Variants in CC2D2A observed in about 807,000 individuals in gnomAD.
CC2D2A encodes coiled-coil and C2 domain containing 2A.
A neutral mutation model predicts 212.9 loss-of-function variants in CC2D2A; 155 were observed. That is an observed-to-expected ratio of 0.73 (90% CI 0.64 to 0.83). The LOEUF (loss-of-function observed/expected upper bound fraction) is 0.83, where lower values mean the gene tolerates loss of function less well. Ranked by LOEUF, CC2D2A falls within the 40% of genes least tolerant of loss-of-function variation. CC2D2A has a pLI of 0.00. For missense variants in CC2D2A, 1,856 were observed against 1,956.2 expected (o/e 0.95, Z 0.97); for synonymous variants, 667 against 686.5 (o/e 0.97, Z 0.44).
intron 17 of CC2D2A, among the ~76,000 whole-genome samples, chr4:15,547,339 T>A (rs1010099666): frequency 8.5e-5 from 13 of 152,222 alleles, no homozygotes; most frequent in African/African-American, 2.9e-4. Flanking sequence ...TTCTAGCTAT[T>A]TTGAAATATA....
intron 26 of CC2D2A, 83 bp downstream of exon 26, chr4:15,567,869 T>G (rs1014763427): frequency 1.0e-6 from 1 of 978,960 alleles, no homozygotes; most frequent in Middle Eastern, 2.1e-4. Flanking sequence ...ACGGCTAAGG[T>G]GAAGGATTTT....
At chr4:15,510,929 A>C (rs561401597) in intron 7 of CC2D2A, among the ~76,000 whole-genome samples, 1 of 152,356 alleles carries the variant, frequency 6.6e-6, no homozygotes, top group Non-Finnish European at 1.5e-5. Flanking sequence ...TAAAACAATA[A>C]ATCCACTGTT....
At chr4:15,482,430 T>A in intron 4 of CC2D2A, 2 of 476,706 alleles carry the variant, frequency 4.2e-6, no homozygotes, top group Non-Finnish European at 5.5e-6. Context: ...GAGATCATGG[T>A]GCCAGCATGG....
chr4:15,510,118 C>G, intron 6 of CC2D2A, 21 bp from the exon 7 acceptor site: 1 of 1,568,722 alleles, frequency 6.4e-7, no homozygotes, highest in Non-Finnish European at 8.8e-7. Flanking sequence ...GTTTATCTAT[C>G]ATTTTTTTCC....
intron 4 of CC2D2A, chr4:15,492,932 T>C (rs917308629): frequency 3.8e-5 from 20 of 532,406 alleles, no homozygotes; most frequent in Non-Finnish European, 6.1e-5. Context: ...GAGGGGGCCC[T>C]CTGATGCCTG....
chr4:15,551,563 G>A (rs1719010370), intron 18 of CC2D2A, among the ~76,000 whole-genome samples: 1 of 151,868 alleles, frequency 6.6e-6, no homozygotes, highest in South Asian at 2.1e-4. Context: ...CTTATTATTG[G>A]AACTAATCCT....
At chr4:15,521,745 C>T (rs1194527027) in intron 11 of CC2D2A, among the ~76,000 whole-genome samples, 1 of 152,236 alleles carries the variant, frequency 6.6e-6, no homozygotes, top group Non-Finnish European at 1.5e-5. Context: ...AATTGAATGT[C>T]ATTAAAATGA....
At position 15,576,408 on chromosome 4, in the gene CC2D2A, C is replaced by A. The variant is rs185438144; in HGVS notation, c.3771+2082C>A. ...TTAGAGTCTCTCCTCTACCACCATG[C>A]CATATGGAACCATTCCATAGGATGT... On this transcript the variant is annotated intron_variant, in intron 29 of 36. Transcript: ENST00000424120. 8.4e-5 allele frequency: 82 copies of A among 978,950 alleles called. No individual in the cohort carries two copies. In the African/African-American group the frequency reaches 1.4e-3, roughly 16 times the overall value. The allele number at this position is 978,950 out of a possible 1,614,324, so 60.6% of individuals were successfully genotyped here. A position where few individuals can be genotyped will look rare whatever the true frequency, so the allele number is the denominator to read the frequency against.
At chr4:15,581,458 C>A (rs1444651720) in intron 30 of CC2D2A, among the ~76,000 whole-genome samples, 1 of 152,178 alleles carries the variant, frequency 6.6e-6, no homozygotes, top group African/African-American at 2.4e-5. Context: ...GCTCTCAGGT[C>A]ATCTGATAAT....
intron 4 of CC2D2A, among the ~76,000 whole-genome samples, chr4:15,501,287 G>C (rs900542250): frequency 6.6e-6 from 1 of 151,822 alleles, no homozygotes; most frequent in South Asian, 2.1e-4. Context: ...ATTTTCCTTT[G>C]TGTGGCCTGT....
At chr4:15,552,753 C>T (rs1719073231) in intron 18 of CC2D2A, among the ~76,000 whole-genome samples, 1 of 152,170 alleles carries the variant, frequency 6.6e-6, no homozygotes, top group South Asian at 2.1e-4. Flanking sequence ...GCAATAGTGC[C>T]TGGCATGAAG....
intron 1 of CC2D2A, among the ~76,000 whole-genome samples, chr4:15,470,681 CTCTCTCTCTATATATATA>C (rs1410055852): frequency 2.0e-3 from 113 of 57,302 alleles, no homozygotes; most frequent in East Asian, 7.1e-3. Flanking sequence ...CTCTCTCTCT[CTCTCTCTCTATATATATA>C]TATATATATA....
At chr4:15,480,584 G>T in intron 3 of CC2D2A, 120 bp from the exon 4 acceptor site, 1 of 1,111,826 alleles carries the variant, frequency 9.0e-7, no homozygotes, top group Non-Finnish European at 1.2e-6. Context: ...AGAGACTGTG[G>T]TTATCCAGAT....
chr4:15,500,683 C>CT (rs1715899188), intron 4 of CC2D2A, among the ~76,000 whole-genome samples: 1 of 152,158 alleles, frequency 6.6e-6, no homozygotes, highest in Non-Finnish European at 1.5e-5. Context: ...CAGAAATGGG[C>CT]TTTGAGGCTG....
chr4:15,600,088 C>T (rs984006582), intron 36 of CC2D2A, among the ~76,000 whole-genome samples: 4 of 152,074 alleles, frequency 2.6e-5, no homozygotes, highest in African/African-American at 4.8e-5. Context: ...TATTAATAGA[C>T]GATATACCCT....
chr4:15,587,198 A>G (rs756360678), intron 31 of CC2D2A, among the ~76,000 whole-genome samples: 12 of 152,208 alleles, frequency 7.9e-5, no homozygotes, highest in Non-Finnish European at 1.5e-4. Context: ...TGCATGTGCA[A>G]TTCATAATAG....
At chr4:15,517,653 G>A (rs1042592335) in intron 11 of CC2D2A, among the ~76,000 whole-genome samples, 1 of 152,184 alleles carries the variant, frequency 6.6e-6, no homozygotes, top group African/African-American at 2.4e-5. Flanking sequence ...AACAGACCTA[G>A]TAACTGCTGG....
chr4:15,537,439 T>A (rs1435189010), intron 15 of CC2D2A, among the ~76,000 whole-genome samples: 1 of 152,216 alleles, frequency 6.6e-6, no homozygotes, highest in Non-Finnish European at 1.5e-5. Flanking sequence ...CTTCTGAGTT[T>A]CCTTCAGAAA....
At chr4:15,499,779 G>A (rs1364844360) in intron 4 of CC2D2A, among the ~76,000 whole-genome samples, 2 of 152,060 alleles carry the variant, frequency 1.3e-5, no homozygotes, top group Non-Finnish European at 2.9e-5. Flanking sequence ...CAGGGACAGA[G>A]GCACACTAAG....
Sources: gnomAD v4.1 joint callset for allele counts (sites outside exome capture counted in the v4.1 genomes callset) on GRCh38, gnomAD v4.1.1 for gene constraint, MANE v1.5 for transcripts, NCBI Gene and HGNC (gene_info 2026-07-23, HGNC 2026-07-21) for gene names.